Variants in MYH3 observed in about 807,000 individuals in gnomAD.
MYH3 encodes myosin heavy chain 3.
MYH3 carries 130 observed loss-of-function variants against 238.0 expected under a neutral mutation model. The ratio of observed to expected loss-of-function variants is 0.55; its 90% CI spans 0.47 to 0.63. The LOEUF is 0.63. MYH3 is among the 30% of genes least tolerant of loss of function. The pLI is 0.00. For synonymous variants in MYH3, 880 were observed against 924.1 expected (o/e 0.95, Z 0.86); for missense variants, 1,853 against 2,374.9 (o/e 0.78, Z 4.57).
At chr17:10,649,290 T>C (rs2074352482) in intron 7 of MYH3, among the ~76,000 whole-genome samples, 1 of 152,232 alleles carries the variant, frequency 6.6e-6, no homozygotes, top group African/African-American at 2.4e-5. Context: ...CACATTGGTA[T>C]ATGTGATTCT....
upstream of MYH3, among the ~76,000 whole-genome samples, chr17:10,661,656 C>A (rs1004595527): frequency 1.3e-5 from 2 of 152,146 alleles, no homozygotes; most frequent in Admixed American, 1.3e-4. Context: ...CACTTCCTGC[C>A]CAGCTATTTT....
In MYH3 at chr17:10,635,803, A is replaced by C. The variant is rs1157210244; in HGVS notation, c.3907T>G (p.Ser1303Ala). 2.4e-5 allele frequency: 38 copies of C among 1,614,034 alleles called. No individual in the cohort carries two copies. The highest frequency in any genetic ancestry group is 3.1e-5 in the Non-Finnish European group (37 of 1,180,044). Residue 1303 changes from serine to alanine, a missense_variant, in exon 29 of 41, where the codon TCC becomes GCC. Ser to Ala is a moderately conservative substitution (Grantham distance 99). Coordinates refer to ENST00000583535, the MANE Select transcript of MYH3 (RefSeq NM_002470.4). ...EEKESIVSQL[S>A]RSKQAFTQQT... Reference sequence around the variant, plus strand: ...TGGGTAAAGGCTTGCTTGCTCCTGGAAAGTTGGGATACTATGCTTTCTTTT... The same window carrying C: ...TGGGTAAAGGCTTGCTTGCTCCTGGCAAGTTGGGATACTATGCTTTCTTTT...
chr17:10,672,238 ACTAT>A, the MYH3 span, among the ~76,000 whole-genome samples: 1 of 152,172 alleles, frequency 6.6e-6, no homozygotes, highest in Non-Finnish European at 1.5e-5. Context: ...TGATCATCAT[ACTAT>A]CTTTGTTACA....
chr17:10,653,355 G>A lies in MYH3; in HGVS notation c.205-792C>T, dbSNP rs1279017293. ...GAAGGGGCATTGGATTGCCAGGCTG[G>A]TGCCCATGGATTGCCAACATTCTGA... On this transcript the variant is annotated intron_variant, in intron 3 of 40. Transcript: ENST00000583535. Among the ~76,000 whole-genome samples the A allele has an allele frequency of 5.3e-5, 8 of 152,136 alleles. No individual in the cohort carries two copies. In the South Asian group the frequency reaches 1.2e-3, roughly 24 times the overall value.
the MYH3 span, among the ~76,000 whole-genome samples, chr17:10,669,553 TGA>T: frequency 7.5e-6 from 1 of 133,070 alleles, no homozygotes. Context: ...GGTGACAGAG[TGA>T]GAGTCCATCT....
At position 10,642,649 on chromosome 17, in the gene MYH3, C is replaced by T; in HGVS notation, c.1656G>A (p.Lys552=). The T allele has an allele frequency of 6.2e-7, 1 of 1,614,236 alleles. No individual in the cohort carries two copies. The highest frequency in any genetic ancestry group is 8.5e-7 in the Non-Finnish European group (1 of 1,180,050). The change falls in exon 16 of 41, where the codon AAG becomes AAA. Residue 552 remains lysine (K), a synonymous_variant. Coordinates refer to ENST00000583535, the MANE Select transcript of MYH3 (RefSeq NM_002470.4). This position sits in a 1 kb window ranked among gnomAD's most constrained non-coding sequence, Gnocchi z 5.4. The stretch of plus-strand genomic sequence containing the variant: ...ACTTTCCAAGATGCTGGTCATACAG[C>T]TTGTTCTTGAAGGAGGTGTCTGTTG... ...PKATDTSFKN[K]LYDQHLGKSN...
chr17:10,664,473 C>T, the MYH3 span, among the ~76,000 whole-genome samples: 127 of 152,166 alleles, frequency 8.3e-4, 1 homozygote, highest in African/African-American at 2.7e-3. Context: ...AGGGGATGGA[C>T]GGTTCAGGAG....
upstream of MYH3, among the ~76,000 whole-genome samples, chr17:10,660,647 A>G (rs1251930967): frequency 4.0e-5 from 6 of 149,502 alleles, no homozygotes; most frequent in Admixed American, 4.1e-4. Flanking sequence ...ACTGCACTCC[A>G]GGCTGGGCGA....
At chr17:10,671,391 C>T in the MYH3 span, among the ~76,000 whole-genome samples, 1 of 152,310 alleles carries the variant, frequency 6.6e-6, no homozygotes, top group African/African-American at 2.4e-5. Flanking sequence ...TGCCACACTT[C>T]ACATTCCATC....
intron 10 of MYH3, 55 bp downstream of exon 10, chr17:10,647,127 C>T: frequency 7.8e-7 from 1 of 1,276,208 alleles, no homozygotes; most frequent in Non-Finnish European, 1.1e-6. Flanking sequence ...TCTCCTTGGT[C>T]TAGTGATCAG....
intron 14 of MYH3, 107 bp from the exon 15 acceptor site, chr17:10,643,103 C>A (rs1213531240): frequency 2.5e-6 from 4 of 1,580,214 alleles, no homozygotes; most frequent in Non-Finnish European, 3.5e-6. Flanking sequence ...CACATTAATG[C>A]TTTCAAATAC....
chr17:10,650,358 T>C lies in MYH3; in HGVS notation c.533+16A>G, dbSNP rs780628897. On this transcript the variant is annotated intron_variant, in intron 6 of 40. Coordinates refer to ENST00000583535, the MANE Select transcript of MYH3 (RefSeq NM_002470.4). ...GTGGCACAGCTATGAAACCACTCTATGCCATGGATACTTACGTGATCAGAA... is the reference window on the plus strand; with the variant it reads ...GTGGCACAGCTATGAAACCACTCTACGCCATGGATACTTACGTGATCAGAA... The C allele has an allele frequency of 1.2e-6, 2 of 1,608,084 alleles. No homozygotes were observed. The highest frequency in any genetic ancestry group is 1.1e-5 in the South Asian group (1 of 90,944).
chr17:10,650,975 T>C (rs1051724957), intron 5 of MYH3, among the ~76,000 whole-genome samples: 3 of 151,886 alleles, frequency 2.0e-5, no homozygotes, highest in Non-Finnish European at 2.9e-5. Flanking sequence ...GATCACGAGG[T>C]CAGGAGTTTG....
chr17:10,659,727 A>C (rs1178063795), upstream of MYH3, among the ~76,000 whole-genome samples: 1 of 152,186 alleles, frequency 6.6e-6, no homozygotes, highest in Non-Finnish European at 1.5e-5. Context: ...TGAGGGAGAA[A>C]GAACACCCTG....
the MYH3 span, among the ~76,000 whole-genome samples, chr17:10,668,848 T>C: frequency 6.6e-6 from 1 of 152,220 alleles, no homozygotes; most frequent in African/African-American, 2.4e-5. Context: ...TGCTTGTCAT[T>C]TGTAGTTCTG....
the MYH3 span, among the ~76,000 whole-genome samples, chr17:10,671,822 G>A: frequency 9.2e-5 from 14 of 151,926 alleles, no homozygotes; most frequent in African/African-American, 2.4e-4. Context: ...CTTGTGATCC[G>A]CCCGCCTCAG....
chr17:10,632,395 A>T, intron 34 of MYH3, 81 bp downstream of exon 34: 1 of 1,485,990 alleles, frequency 6.7e-7, no homozygotes, highest in Non-Finnish European at 9.3e-7. Flanking sequence ...CTGGGACTAC[A>T]GGCGTGCACC....
intron 8 of MYH3, 66 bp downstream of exon 8, chr17:10,648,491 G>A (rs1177576022): frequency 2.3e-6 from 3 of 1,329,318 alleles, no homozygotes; most frequent in Non-Finnish European, 3.3e-6. Flanking sequence ...CACTCTTTGA[G>A]GACAGGGCTC....
the MYH3 span, among the ~76,000 whole-genome samples, chr17:10,672,211 A>G: frequency 4.6e-5 from 7 of 152,208 alleles, no homozygotes; most frequent in African/African-American, 1.7e-4. Flanking sequence ...TCACTGTTCC[A>G]ATATTTTTAA....
Sources: gnomAD v4.1 joint callset for allele counts (sites outside exome capture counted in the v4.1 genomes callset) on GRCh38, gnomAD v4.1.1 for gene constraint, Gnocchi (gnomAD v3.1) non-coding constraint, MANE v1.5 for transcripts, NCBI Gene and HGNC (gene_info 2026-07-23, HGNC 2026-07-21) for gene names.